Variants in MTM1 observed in about 807,000 individuals in gnomAD.
MTM1 encodes the protein myotubularin.
MTM1 carries 9 observed loss-of-function variants against 52.1 expected under a neutral mutation model. That is an observed-to-expected ratio of 0.17 (90% confidence interval 0.10 to 0.30). The LOEUF (loss-of-function observed/expected upper bound fraction) is 0.30, where lower values mean the gene tolerates loss of function less well. Ranked by LOEUF, MTM1 falls within the 10% of genes least tolerant of loss-of-function variation. MTM1 has a pLI of 1.00. For synonymous variants in MTM1, 136 were observed against 163.8 expected (o/e 0.83, Z 1.29); for missense variants, 277 against 470.7 (o/e 0.59, Z 3.81).
intron 1 of MTM1, among the ~76,000 whole-genome samples, chrX:150,578,790 A>T (rs1259014882): frequency 1.8e-5 from 2 of 109,491 alleles, no homozygotes; most frequent in Non-Finnish European, 3.8e-5. Flanking sequence ...AGGCATTATA[A>T]TAAGTCTGGG....
chrX:150,621,731 C>T (rs2039484906), intron 6 of MTM1, among the ~76,000 whole-genome samples: 1 of 111,572 alleles, frequency 9.0e-6, no homozygotes, highest in Non-Finnish European at 1.9e-5. Flanking sequence ...ATGTGTGTGC[C>T]CCCAGTGAGA....
chrX:150,596,663 C>T, intron 3 of MTM1, 93 bp downstream of exon 3: 1 of 691,460 alleles, frequency 1.4e-6, no homozygotes. Context: ...AGCAGTCAGG[C>T]TTAGACAAAT....
intron 6 of MTM1, among the ~76,000 whole-genome samples, chrX:150,638,617 T>C (rs916690955): frequency 3.6e-5 from 4 of 111,962 alleles, no homozygotes; most frequent in Admixed American, 9.5e-5. Context: ...GGCTTGTACC[T>C]GATCAATTGC....
chrX:150,585,086 A>AG (rs2038760926), intron 1 of MTM1, among the ~76,000 whole-genome samples: 1 of 105,146 alleles, frequency 9.5e-6, no homozygotes, highest in African/African-American at 3.7e-5. Context: ...AGAGAGAGAG[A>AG]AAGAGTGTGT....
At chrX:150,588,859 C>G (rs5925387) in intron 1 of MTM1, among the ~76,000 whole-genome samples, 40,544 of 110,767 alleles carry the variant, frequency 0.37, 6,635 homozygotes, top group East Asian at 0.68. Flanking sequence ...AAGGCCTTGT[C>G]GTACCATTTC....
intron 4 of MTM1, among the ~76,000 whole-genome samples, chrX:150,605,775 G>T (rs1479242111): frequency 9.0e-6 from 1 of 111,651 alleles, no homozygotes; most frequent in Non-Finnish European, 1.9e-5. Context: ...GCTGGGTGTT[G>T]TGCCATCTAA....
At chrX:150,564,567 G>A (rs2038239888), upstream of MTM1, among the ~76,000 whole-genome samples, 1 of 110,743 alleles carries the variant, frequency 9.0e-6, no homozygotes, top group African/African-American at 3.3e-5. Context: ...ATTTTTAGTA[G>A]AGACGGGGTT....
intron 14 of MTM1, among the ~76,000 whole-genome samples, chrX:150,664,555 T>C (rs938236744): frequency 1.5e-4 from 17 of 112,836 alleles, no homozygotes; most frequent in African/African-American, 5.5e-4. Context: ...CTTTTGCAAT[T>C]TGGTAATGGT....
At chrX:150,627,000 T>C (rs1557413437) in intron 6 of MTM1, among the ~76,000 whole-genome samples, 1 of 111,448 alleles carries the variant, frequency 9.0e-6, no homozygotes, top group African/African-American at 3.3e-5. Context: ...CTCTCAGCCT[T>C]GAAATGTGCT....
At chrX:150,619,465 G>A (rs886889979) in intron 6 of MTM1, among the ~76,000 whole-genome samples, 30 of 112,015 alleles carry the variant, frequency 2.7e-4, no homozygotes, top group Non-Finnish European at 4.1e-4. Flanking sequence ...AATAGGGGCA[G>A]TTTTATTTTT....
chrX:150,584,979 G>C (rs1255807139), intron 1 of MTM1, among the ~76,000 whole-genome samples: 1 of 109,967 alleles, frequency 9.1e-6, no homozygotes, highest in Non-Finnish European at 1.9e-5. Flanking sequence ...TTTTTGATCC[G>C]CAGTTGGTTG....
intron 1 of MTM1, among the ~76,000 whole-genome samples, chrX:150,568,870 C>G (rs941688061): frequency 2.7e-5 from 3 of 113,187 alleles, no homozygotes; most frequent in African/African-American, 9.6e-5. Context: ...CAGGCAGGTA[C>G]CTCCGGCTTC....
At chrX:150,593,151 G>A (rs2038916393) in intron 2 of MTM1, among the ~76,000 whole-genome samples, 1 of 112,207 alleles carries the variant, frequency 8.9e-6, no homozygotes, top group South Asian at 3.7e-4. Context: ...GCCCAGAAAA[G>A]CTTTTAGATA....
intron 10 of MTM1, among the ~76,000 whole-genome samples, chrX:150,650,256 GTTGTTTTTTGTTTTTTT>G (rs1569565515): frequency 9.2e-6 from 1 of 108,727 alleles, no homozygotes; most frequent in Non-Finnish European, 1.9e-5. Context: ...TGTTTTTTTT[GTTGTTTTTTGTTTTTTT>G]TTGTTTTTTG....
intron 6 of MTM1, among the ~76,000 whole-genome samples, chrX:150,632,352 C>T (rs782521197): frequency 6.3e-5 from 7 of 111,657 alleles, no homozygotes; most frequent in Admixed American, 4.7e-4. Flanking sequence ...GTTTGGTGTC[C>T]GGGAGCACAG....
At chrX:150,645,155 C>T (rs952171445) in intron 8 of MTM1, among the ~76,000 whole-genome samples, 5 of 111,459 alleles carry the variant, frequency 4.5e-5, no homozygotes, top group Non-Finnish European at 7.5e-5. Flanking sequence ...ACTGTGGAGA[C>T]GAGCAGATCT....
Position 150,672,825 on chromosome X carries a change from T to C in MTM1, c.*1230T>C, listed in dbSNP as rs1802892. ...TGTAAAGGACTATTTATAACTAATA[T>C]GGTTTTGTTTTCAATGAATTAAGAA... On this transcript the variant is annotated 3_prime_UTR_variant, in exon 15 of 15. Coordinates refer to ENST00000370396, the MANE Select transcript of MTM1 (RefSeq NM_000252.3). 1.8e-5 allele frequency: 2 copies of C among 112,467 alleles called. No homozygotes were observed. The highest frequency in any genetic ancestry group is 6.5e-5 in the African/African-American group (2 of 30,986). The allele number at this position is 112,467 out of a possible 1,213,427, so 9.3% of individuals were successfully genotyped here.
At chrX:150,579,017 C>A (rs868917635) in intron 1 of MTM1, among the ~76,000 whole-genome samples, 2 of 98,165 alleles carry the variant, frequency 2.0e-5, no homozygotes, top group East Asian at 3.3e-4. Context: ...ATCTATATAT[C>A]TCTATCTATC....
intron 1 of MTM1, among the ~76,000 whole-genome samples, chrX:150,581,257 A>G (rs2069694989): frequency 8.9e-6 from 1 of 111,896 alleles, no homozygotes; most frequent in Non-Finnish European, 1.9e-5. Context: ...CAAAAGAATA[A>G]TTCAAAGAAT....
Sources: gnomAD v4.1 joint callset for allele counts (sites outside exome capture counted in the v4.1 genomes callset) on GRCh38, gnomAD v4.1.1 for gene constraint, MANE v1.5 for transcripts, NCBI Gene and HGNC (gene_info 2026-07-23, HGNC 2026-07-21) for gene names.